NWD1: variants seen among roughly 807,000 people sequenced by gnomAD.
The protein encoded by NWD1 is NACHT and WD repeat domain containing 1, also known as NACHT domain- and WD repeat-containing protein 1.
In NWD1, 129 loss-of-function variants were observed where a neutral mutation model predicts 135.1. The ratio of observed to expected loss-of-function variants is 0.96; its 90% CI spans 0.83 to 1.11. NWD1 has a LOEUF of 1.11. Among genes scored for constraint, NWD1 ranks in the 50% least tolerant of loss-of-function variants. The probability of loss-of-function intolerance (pLI) is 0.00; values close to 1 mark genes in which losing one functional copy is unlikely to be tolerated. For synonymous variants in NWD1, 773 were observed against 786.0 expected (o/e 0.98, Z 0.28); for missense variants, 1,740 against 1,851.3 (o/e 0.94, Z 1.10).
intron 3 of NWD1, among the ~76,000 whole-genome samples, chr19:16,735,553 G>A (rs1481227873): frequency 6.6e-6 from 1 of 151,518 alleles, no homozygotes; most frequent in Non-Finnish European, 1.5e-5. Context: ...ATCAGTCTGG[G>A]GGCAGTGGCT....
intron 16 of NWD1, among the ~76,000 whole-genome samples, chr19:16,799,669 G>A (rs554110730): frequency 0.077 from 11,752 of 151,888 alleles, 669 homozygotes; most frequent in African/African-American, 0.15. Flanking sequence ...ACCAAGCCTG[G>A]CTAATTTTTT....
intron 10 of NWD1, among the ~76,000 whole-genome samples, chr19:16,770,088 T>A (rs1218063686): frequency 6.6e-6 from 1 of 152,210 alleles, no homozygotes; most frequent in African/African-American, 2.4e-5. Context: ...ATAAGGCCAA[T>A]GGCATCATCT....
At chr19:16,784,967 C>T (rs911499399) in intron 12 of NWD1, among the ~76,000 whole-genome samples, 2 of 151,352 alleles carry the variant, frequency 1.3e-5, no homozygotes, top group Non-Finnish European at 2.9e-5. Context: ...ACAAAAACAG[C>T]AGTCACCAGG....
chr19:16,741,759 T>C (rs1968093679), intron 4 of NWD1, among the ~76,000 whole-genome samples: 1 of 152,146 alleles, frequency 6.6e-6, no homozygotes, highest in Admixed American at 6.6e-5. Context: ...CCTAGCACTC[T>C]AACAGCTGCC....
At position 16,758,367 on chromosome 19, in the gene NWD1, C is replaced by T. The variant is rs977378995; in HGVS notation, c.1770-858C>T. Among the ~76,000 whole-genome samples the T allele has an allele frequency of 7.9e-5, 12 of 152,302 alleles. No homozygotes were observed. The South Asian group carries it at 2.5e-3, about 32-fold the overall frequency. On this transcript the variant is annotated intron_variant, in intron 6 of 18. Transcript: ENST00000524140. The stretch of plus-strand genomic sequence containing the variant: ...TCACAGCTCACTGCAGCCTCAACCT[C>T]CTGGGCTCAAGTGATCCTCCCACCT...
intron 17 of NWD1, 50 bp downstream of exon 17, chr19:16,800,212 T>G: frequency 6.6e-7 from 1 of 1,516,720 alleles, no homozygotes; most frequent in South Asian, 1.2e-5. Flanking sequence ...CTTGGAGCCA[T>G]CTGTCTTAGT....
chr19:16,808,989 C>T (rs534405424), intron 18 of NWD1, among the ~76,000 whole-genome samples: 19 of 151,972 alleles, frequency 1.3e-4, no homozygotes, highest in Non-Finnish European at 2.1e-4. Context: ...AGGGCTGAGG[C>T]GGAAGGATTG....
intron 12 of NWD1, among the ~76,000 whole-genome samples, chr19:16,782,124 C>G (rs547029977): frequency 6.9e-6 from 1 of 144,904 alleles, no homozygotes; most frequent in East Asian, 2.1e-4. Context: ...AAAAAAGAAT[C>G]TAATCTAACC....
chr19:16,731,274 T>C lies in NWD1; in HGVS notation c.77T>C (p.Phe26Ser), dbSNP rs1291337456. The C allele has an allele frequency of 4.6e-6, 7 of 1,523,530 alleles. No individual in the cohort carries two copies. Among genetic ancestry groups the C allele is most frequent in the African/African-American group, 1.4e-5 (1 of 72,724 alleles). The allele number at this position is 1,523,530 out of a possible 1,614,324, so 94.4% of individuals were successfully genotyped here. The change falls in exon 3 of 19, where the codon TTT (phenylalanine) becomes TCT (serine). Residue 26 changes from phenylalanine to serine, a missense_variant. Coordinates refer to ENST00000524140, the MANE Select transcript of NWD1 (RefSeq NM_001007525.5). Reference protein sequence around the residue: ...QTFCQRHGLMFEVVDLRWGIR... With the variant: ...QTFCQRHGLMSEVVDLRWGIR... ...TTCTGCCAGAGGCACGGCTTGATGT[T>C]TGAGGTAACTGGAAGTCACTCCGGG... is the stretch of plus-strand genomic sequence containing the variant.
chr19:16,742,487 A>G (rs1158062904), intron 4 of NWD1, among the ~76,000 whole-genome samples: 5 of 152,066 alleles, frequency 3.3e-5, no homozygotes, highest in Non-Finnish European at 7.4e-5. Context: ...TCAGCCCTTA[A>G]GCCATCCTGT....
intron 14 of NWD1, among the ~76,000 whole-genome samples, chr19:16,792,640 C>A (rs964043773): frequency 2.0e-5 from 3 of 151,832 alleles, no homozygotes; most frequent in African/African-American, 7.3e-5. Context: ...CAAGATTGCA[C>A]CACTGCACTC....
intron 10 of NWD1, 62 bp downstream of exon 10, chr19:16,765,254 C>G (rs1342841801): frequency 1.4e-6 from 2 of 1,470,570 alleles, no homozygotes; most frequent in African/African-American, 1.4e-5. Flanking sequence ...GAAACATGCT[C>G]TCCTCATTGA....
At chr19:16,772,826 T>C (rs1445192140) in intron 10 of NWD1, among the ~76,000 whole-genome samples, 1 of 149,838 alleles carries the variant, frequency 6.7e-6, no homozygotes, top group Non-Finnish European at 1.5e-5. Context: ...CAGAGTGTGA[T>C]AAAAGAGGAA....
rs764158829 is a variant in NWD1, at chr19:16,762,019, T to A, written c.2014T>A (p.Ser672Thr). 1 of 1,614,086 alleles carries A rather than the reference T, an allele frequency of 6.2e-7. No homozygotes were observed. Among genetic ancestry groups the A allele is most frequent in the Non-Finnish European group, 8.5e-7 (1 of 1,180,010 alleles). Reference protein sequence around the residue: ...EVVRERYLSGSERAKRHGVLA... With the variant: ...EVVRERYLSGTERAKRHGVLA... The stretch of plus-strand genomic sequence containing the variant: ...GGTCCGTGAGCGCTACCTGTCAGGA[T>A]CCGAGAGAGCCAAGAGGCATGGCGT... Residue 672 changes from serine (S) to threonine (T), a missense_variant, in exon 8 of 19, where the codon TCC becomes ACC. Coordinates refer to ENST00000524140, the MANE Select transcript of NWD1 (RefSeq NM_001007525.5).
In NWD1 at chr19:16,762,098, C is replaced by T; in HGVS notation, c.2093C>T (p.Thr698Ile). The change falls in exon 8 of 19, where the codon ACT becomes ATT. Residue 698 changes from threonine to isoleucine, a missense_variant. Coordinates refer to ENST00000524140, the MANE Select transcript of NWD1 (RefSeq NM_001007525.5). ...AGCCAGGGTACCAAGAAGCTCATCA[C>T]TCTGCCACTTGTGGGGAAACCACTG... ...TWSQGTKKLI[T>I]LPLVGKPLNL... 1 of 1,614,120 alleles carries T rather than the reference C, an allele frequency of 6.2e-7. No homozygotes were observed. Among genetic ancestry groups the T allele is most frequent in the Non-Finnish European group, 8.5e-7 (1 of 1,180,000 alleles).
chr19:16,764,361 GTCCATCCATCCA>G lies in NWD1; in HGVS notation c.2251+447_2251+458del, dbSNP rs71180332. Among the ~76,000 whole-genome samples the G allele has an allele frequency of 8.7e-3, 1,267 of 145,182 alleles. 14 individuals carry two copies. The highest frequency in any genetic ancestry group is 0.031 in the African/African-American group (1,185 of 38,094). On this transcript the variant is annotated intron_variant, in intron 9 of 18. Transcript: ENST00000524140. ...CCATCCATCCATCCACCCATCTTCT[GTCCATCCATCCA>G]TCCATCCATCCATCCATCCATCCAT...
intron 18 of NWD1, among the ~76,000 whole-genome samples, chr19:16,813,146 G>A (rs1187218493): frequency 6.6e-6 from 1 of 152,162 alleles, no homozygotes; most frequent in African/African-American, 2.4e-5. Flanking sequence ...CTGGGCTCAG[G>A]AGTAGCCATG....
intron 10 of NWD1, among the ~76,000 whole-genome samples, chr19:16,772,195 G>A (rs1192487585): frequency 2.0e-5 from 3 of 151,918 alleles, no homozygotes; most frequent in Non-Finnish European, 4.4e-5. Flanking sequence ...ACGAGACCCC[G>A]TCTCTACAAA....
chr19:16,739,599 C>T (rs143822519), intron 4 of NWD1, among the ~76,000 whole-genome samples: 9 of 152,230 alleles, frequency 5.9e-5, no homozygotes, highest in Middle Eastern at 3.4e-3. Flanking sequence ...AGGCATCACC[C>T]CTCTACTGCC....
Sources: gnomAD v4.1 joint callset for allele counts (sites outside exome capture counted in the v4.1 genomes callset) on GRCh38, gnomAD v4.1.1 for gene constraint, MANE v1.5 for transcripts, NCBI Gene and HGNC (gene_info 2026-07-23, HGNC 2026-07-21) for gene names.